Variants in KDM4B observed in about 807,000 individuals in gnomAD.
KDM4B encodes the protein lysine demethylase 4B.
A neutral mutation model predicts 125.2 loss-of-function variants in KDM4B; 32 were observed. The observed-to-expected ratio is 0.26, with a 90% CI of 0.19 to 0.34. The LOEUF (loss-of-function observed/expected upper bound fraction) is 0.34. KDM4B is among the 10% of genes least tolerant of loss of function. The probability of loss-of-function intolerance (pLI) is 1.00; values close to 1 mark genes in which losing one functional copy is unlikely to be tolerated. For synonymous variants in KDM4B, 721 were observed against 677.9 expected (o/e 1.06, Z -0.99); for missense variants, 1,190 against 1,577.7 (o/e 0.75, Z 4.16).
chr19:5,038,159 G>T (rs1040813211), intron 3 of KDM4B, among the ~76,000 whole-genome samples: 2 of 152,208 alleles, frequency 1.3e-5, no homozygotes, highest in Non-Finnish European at 2.9e-5. Context: ...TGCAGTGGGT[G>T]GCCCGGTCGA....
At position 5,131,162 on chromosome 19, in the gene KDM4B, C is replaced by A. The variant is rs756272415; in HGVS notation, c.1402C>A (p.Pro468Thr). The A allele has an allele frequency of 3.2e-6, 5 of 1,572,086 alleles. No homozygotes were observed. In the Admixed American group the frequency reaches 5.4e-5, roughly 17 times the overall value. The part of the protein sequence containing the change: ...SFGLLPPQLP[P>T]PPAHFPSEEA... ...CGGCCTGCTGCCCCCACAGCTGCCGCCCCCGCCTGCTCACTTCCCCTCAGA... is the reference window on the plus strand; with the variant it reads ...CGGCCTGCTGCCCCCACAGCTGCCGACCCCGCCTGCTCACTTCCCCTCAGA... The change falls in exon 12 of 23, where the codon CCC becomes ACC. Residue 468 changes from proline to threonine, a missense_variant. Pro to Thr is a conservative substitution (Grantham distance 38). Coordinates refer to ENST00000159111, the MANE Select transcript of KDM4B (RefSeq NM_015015.3).
intron 21 of KDM4B, among the ~76,000 whole-genome samples, chr19:5,148,707 C>G (rs995232480): frequency 2.0e-5 from 3 of 152,058 alleles, no homozygotes; most frequent in Non-Finnish European, 2.9e-5. Context: ...GCCTCCAAAA[C>G]CCGCTGCTGC....
intron 9 of KDM4B, among the ~76,000 whole-genome samples, chr19:5,101,475 T>G (rs1180325012): frequency 1.3e-5 from 2 of 151,046 alleles, no homozygotes; most frequent in Non-Finnish European, 1.5e-5. Context: ...AGTGAGCTGC[T>G]GTGATCACGC....
chr19:5,052,746 G>C (rs911447192), intron 6 of KDM4B, among the ~76,000 whole-genome samples: 2 of 152,254 alleles, frequency 1.3e-5, no homozygotes, highest in Non-Finnish European at 2.9e-5. Flanking sequence ...GGGTGATGGA[G>C]CTGGCGAGCC....
At chr19:5,001,334 T>G (rs2035377586) in intron 1 of KDM4B, among the ~76,000 whole-genome samples, 1 of 152,200 alleles carries the variant, frequency 6.6e-6, no homozygotes, top group African/African-American at 2.4e-5. Context: ...TTATACCTTT[T>G]CTTTCGCACG....
chr19:5,137,441 G>T, intron 16 of KDM4B, 103 bp downstream of exon 16: 4 of 1,276,654 alleles, frequency 3.1e-6, no homozygotes, highest in Non-Finnish European at 3.3e-6. Flanking sequence ...CGTGGGCCTG[G>T]GTTCCTTCAC....
Position 5,013,003 on chromosome 19 carries a change from T to C in KDM4B, c.-108-3254T>C, listed in dbSNP as rs939600974. The stretch of plus-strand genomic sequence containing the variant: ...CATCTATTGCGGATGGGGACCAGGG[T>C]GGACAGAGGCCTAGGCTCGGGCTGT... On this transcript the variant is annotated intron_variant, in intron 1 of 22. Transcript: ENST00000159111. 2.3e-4 allele frequency among the ~76,000 whole-genome samples: 35 copies of C among 152,216 alleles called. 1 individual carries two copies. The highest frequency in any genetic ancestry group is 1.3e-4 in the Admixed American group (2 of 15,300).
intron 6 of KDM4B, among the ~76,000 whole-genome samples, chr19:5,059,027 G>C (rs559164030): frequency 1.3e-5 from 2 of 152,228 alleles, no homozygotes; most frequent in African/African-American, 4.8e-5. Flanking sequence ...GGGTCTGTGC[G>C]TGCCCGCGGG....
At chr19:5,054,613 G>A (rs2037339449) in intron 6 of KDM4B, among the ~76,000 whole-genome samples, 1 of 152,228 alleles carries the variant, frequency 6.6e-6, no homozygotes, top group Non-Finnish European at 1.5e-5. Flanking sequence ...ACGAGACCTG[G>A]GAGTCTGCTG....
At chr19:4,990,429 A>T (rs1036640124) in intron 1 of KDM4B, among the ~76,000 whole-genome samples, 2 of 152,182 alleles carry the variant, frequency 1.3e-5, no homozygotes, top group African/African-American at 4.8e-5. Context: ...TCTGTACTGG[A>T]ATGAGGGCCT....
At chr19:5,047,961 C>CGTG (rs1433277829) in intron 6 of KDM4B, among the ~76,000 whole-genome samples, 3 of 152,204 alleles carry the variant, frequency 2.0e-5, no homozygotes, top group Admixed American at 1.3e-4. Flanking sequence ...TGGCCAGGAG[C>CGTG]GTGGTCTTGA....
intron 2 of KDM4B, among the ~76,000 whole-genome samples, chr19:5,016,670 C>T (rs2035902151): frequency 1.3e-5 from 2 of 152,262 alleles, no homozygotes; most frequent in Non-Finnish European, 2.9e-5. Flanking sequence ...ACCCACTACC[C>T]TGTCTGCATC....
At chr19:5,040,773 C>T (rs1012933782) in intron 4 of KDM4B, among the ~76,000 whole-genome samples, 10 of 152,118 alleles carry the variant, frequency 6.6e-5, no homozygotes, top group African/African-American at 2.4e-4. Flanking sequence ...CTGGTCTGTC[C>T]TGCTCACCCG....
At position 4,987,474 on chromosome 19, in the gene KDM4B, C is replaced by T. The variant is rs138335105; in HGVS notation, c.-109+18244C>T. Among the ~76,000 whole-genome samples the T allele has an allele frequency of 2.3e-3, 341 of 150,036 alleles. 3 individuals carry two copies. Among genetic ancestry groups the T allele is most frequent in the African/African-American group, 8.0e-3 (323 of 40,544 alleles). On this transcript the variant is annotated intron_variant, in intron 1 of 22. Transcript: ENST00000159111. ...GGTTATCTTGGGGCAGACATCTTCC[C>T]GGCCGGAGGGGGGTTATCTCGGGGC... is the stretch of plus-strand genomic sequence containing the variant.
At chr19:5,058,779 C>T (rs1014088513) in intron 6 of KDM4B, among the ~76,000 whole-genome samples, 5 of 152,208 alleles carry the variant, frequency 3.3e-5, no homozygotes, top group Admixed American at 2.6e-4. Context: ...GCAGTGCACA[C>T]GCTGGCTCGT....
chr19:5,029,559 G>A (rs1393214478), intron 2 of KDM4B, among the ~76,000 whole-genome samples: 2 of 152,244 alleles, frequency 1.3e-5, no homozygotes, highest in Admixed American at 1.3e-4. Flanking sequence ...GGGCATGATG[G>A]CTCATCCCTG....
rs1330129434 is a variant in KDM4B, at chr19:5,081,766, CGGCGTGTCGCAGGCCCCTTCCT to C, written c.781-593_781-572del. The stretch of plus-strand genomic sequence containing the variant: ...ACAATTGAAAGATGGCTTGGGATGG[CGGCGTGTCGCAGGCCCCTTCCT>C]GGCGTGTTTTGCGCGTGCAGTGGTG... On this transcript the variant is annotated intron_variant, in intron 8 of 22. Coordinates refer to ENST00000159111, the MANE Select transcript of KDM4B (RefSeq NM_015015.3). This position sits in a 1 kb window ranked among gnomAD's most constrained non-coding sequence, Gnocchi z 4.2. Among the ~76,000 whole-genome samples, 2 of 152,162 alleles carry C rather than the reference CGGCGTGTCGCAGGCCCCTTCCT, an allele frequency of 1.3e-5. No homozygotes were observed. Among genetic ancestry groups the C allele is most frequent in the Non-Finnish European group, 2.9e-5 (2 of 68,024 alleles).
chr19:5,104,172 G>A (rs993813191), intron 9 of KDM4B, among the ~76,000 whole-genome samples: 8 of 152,134 alleles, frequency 5.3e-5, no homozygotes, highest in Non-Finnish European at 1.2e-4. Context: ...CGCTCCAGCT[G>A]GTGCCCCTCC....
chr19:5,113,439 G>A (rs897022393), intron 10 of KDM4B: 1 of 152,124 alleles, frequency 6.6e-6, no homozygotes, highest in Non-Finnish European at 1.5e-5. Context: ...CCACCAGGGA[G>A]GTGGTCGGTT....
Sources: allele counts gnomAD v4.1 joint callset (sites outside exome capture counted in the v4.1 genomes callset), GRCh38; gene constraint gnomAD v4.1.1; non-coding constraint Gnocchi (gnomAD v3.1); transcripts MANE v1.5; gene names NCBI Gene and HGNC (gene_info 2026-07-23, HGNC 2026-07-21).